Variants in DHODH observed in about 807,000 individuals in gnomAD.
The protein encoded by DHODH is dihydroorotate dehydrogenase (quinone).
A neutral mutation model predicts 39.7 loss-of-function variants in DHODH; 30 were observed. The observed-to-expected ratio is 0.76, with a 90% CI of 0.57 to 1.02. The LOEUF (loss-of-function observed/expected upper bound fraction) is 1.02, where lower values mean the gene tolerates loss of function less well. Among genes scored for constraint, DHODH ranks in the 50% least tolerant of loss-of-function variants. DHODH has a pLI of 0.00. For synonymous variants in DHODH, 222 were observed against 213.8 expected (o/e 1.04, Z -0.34); for missense variants, 531 against 520.8 (o/e 1.02, Z -0.19).
In DHODH at chr16:72,017,059, A is replaced by C; in HGVS notation, c.470A>C (p.Glu157Ala). 6.2e-7 allele frequency: 1 copy of C among 1,614,068 alleles called. No homozygotes were observed. Among genetic ancestry groups the C allele is most frequent in the African/African-American group, 1.3e-5 (1 of 75,020 alleles). ...GFNSHGLSVV[E>A]HRLRARQQKQ... Reference sequence around the variant, plus strand: ...AACAGTCACGGGCTTTCAGTGGTGGAACACAGGTTACGGGCCAGACAGCAG... The same window carrying C: ...AACAGTCACGGGCTTTCAGTGGTGGCACACAGGTTACGGGCCAGACAGCAG... The change falls in exon 4 of 9, where the codon GAA becomes GCA. Residue 157 changes from glutamate (E) to alanine (A), a missense_variant. By Grantham distance (107) the Glu-to-Ala change is moderately radical. Transcript: ENST00000219240.
At chr16:72,023,372 G>T in intron 7 of DHODH, 54 bp downstream of exon 7, 1 of 1,614,010 alleles carries the variant, frequency 6.2e-7, no homozygotes, top group Non-Finnish European at 8.5e-7. Context: ...GGGCTCCTGG[G>T]TCGTGATGGG....
rs189050421 is a variant in DHODH, at chr16:72,017,897, G to A, written c.517+791G>A. 6.2e-4 allele frequency among the ~76,000 whole-genome samples: 93 copies of A among 149,400 alleles called. No individual in the cohort carries two copies. In the East Asian group the frequency reaches 0.015, roughly 25 times the overall value. The stretch of plus-strand genomic sequence containing the variant: ...CACTATTCTCCTGCCTCAGCCTCCC[G>A]AGTAGCTGGGACTTCAGGCACCCGC... On this transcript the variant is annotated intron_variant, in intron 4 of 8. Coordinates refer to ENST00000219240, the MANE Select transcript of DHODH (RefSeq NM_001361.5).
chr16:72,009,841 C>T (rs1463058391), intron 1 of DHODH, among the ~76,000 whole-genome samples: 1 of 152,158 alleles, frequency 6.6e-6, no homozygotes, highest in Non-Finnish European at 1.5e-5. Context: ...GTCTCGAACT[C>T]CTCACCTCGT....
intron 4 of DHODH, among the ~76,000 whole-genome samples, chr16:72,019,043 C>T (rs1597396076): frequency 6.6e-6 from 1 of 152,224 alleles, no homozygotes; most frequent in Admixed American, 6.5e-5. Context: ...GTAGCCTCCA[C>T]CTCCCAGGTT....
In DHODH at chr16:72,021,395, C is replaced by T. The variant is rs559262199; in HGVS notation, c.705+84C>T. On this transcript the variant is annotated intron_variant, in intron 5 of 8. Transcript: ENST00000219240. ...TTCATTCTCCAGGGCGAACCTTCAGCATCACCCTCAGAAGCTGTCCTTAGC... is the reference window on the plus strand; with the variant it reads ...TTCATTCTCCAGGGCGAACCTTCAGTATCACCCTCAGAAGCTGTCCTTAGC... The T allele has an allele frequency of 9.8e-6, 14 of 1,429,402 alleles. No individual in the cohort carries two copies. In the African/African-American group the frequency reaches 9.8e-5, roughly 10 times the overall value. The allele number at this position is 1,429,402 out of a possible 1,614,324, so 88.5% of individuals were successfully genotyped here.
Position 72,022,437 on chromosome 16 carries a change from A to T in DHODH, c.781A>T (p.Ser261Cys). The T allele has an allele frequency of 6.4e-7, 1 of 1,556,334 alleles. No individual in the cohort carries two copies. Among genetic ancestry groups the T allele is most frequent in the African/African-American group, 1.4e-5 (1 of 73,484 alleles). Reference sequence around the variant, plus strand: ...GGTGAAGATCGCTCCTGACCTCACCAGCCAGGATAAGGAGGACATTGCCAG... The same window carrying T: ...GGTGAAGATCGCTCCTGACCTCACCTGCCAGGATAAGGAGGACATTGCCAG... The part of the protein sequence containing the change: ...VLVKIAPDLT[S>C]QDKEDIASVV... The change falls in exon 6 of 9, where the codon AGC (serine) becomes TGC (cysteine). Residue 261 changes from serine to cysteine, a missense_variant. Coordinates refer to ENST00000219240, the MANE Select transcript of DHODH (RefSeq NM_001361.5).
intron 1 of DHODH, chr16:72,009,251 C>A: frequency 1.9e-6 from 1 of 513,440 alleles, no homozygotes; most frequent in Non-Finnish European, 2.5e-6. Context: ...CGCCTGTAAT[C>A]CCAGCACTTT....
Position 72,027,602 on chromosome 16 carries a change from G to C in DHODH, c.*3403G>C, listed in dbSNP as rs764309087. ...TTTACATCACTCACTCTTGTGTGGAGTGCATAATTGTCTTTGCTTGCCAAT... is the reference window on the plus strand; with the variant it reads ...TTTACATCACTCACTCTTGTGTGGACTGCATAATTGTCTTTGCTTGCCAAT... On this transcript the variant is annotated 3_prime_UTR_variant, in exon 9 of 9. Coordinates refer to ENST00000219240, the MANE Select transcript of DHODH (RefSeq NM_001361.5). 2.0e-5 allele frequency: 3 copies of C among 152,180 alleles called. No individual in the cohort carries two copies. Among genetic ancestry groups the C allele is most frequent in the Non-Finnish European group, 4.4e-5 (3 of 68,028 alleles). 9.4% of individuals were successfully genotyped at this position (152,180 alleles called of 1,614,324 possible). A position where few individuals can be genotyped will look rare whatever the true frequency, so the allele number is the denominator to read the frequency against.
At position 72,022,375 on chromosome 16, in the gene DHODH, G is replaced by C; in HGVS notation, c.719G>C (p.Arg240Thr). 6.4e-7 allele frequency: 1 copy of C among 1,553,972 alleles called. No homozygotes were observed. The highest frequency in any genetic ancestry group is 1.2e-5 in the South Asian group (1 of 84,178). ...GTGTCGCCCTAGGTGCTGCAGGAGA[G>C]GGATGGCTTGCGGAGAGTGCACAGG... The part of the protein sequence containing the change: ...RRLLTKVLQE[R>T]DGLRRVHRPA... Residue 240 changes from arginine (R) to threonine (T), a missense_variant, in exon 6 of 9, where the codon AGG becomes ACG. Arg to Thr is a moderately conservative substitution (Grantham distance 71, BLOSUM62 -1). Coordinates refer to ENST00000219240, the MANE Select transcript of DHODH (RefSeq NM_001361.5).
intron 6 of DHODH, 49 bp downstream of exon 6, chr16:72,022,524 G>A (rs2041232542): frequency 7.0e-7 from 1 of 1,437,374 alleles, no homozygotes; most frequent in South Asian, 1.2e-5. Context: ...GGTCTGCAGA[G>A]GCCGTTTGGC....
rs750723546 is a variant in DHODH at position 72,008,813 on chromosome 16, T to A, written c.21+28T>A. The A allele has an allele frequency of 1.9e-6, 3 of 1,552,332 alleles. No homozygotes were observed. The African/African-American group carries it at 4.1e-5, about 21-fold the overall frequency. ...GAGTCCCGCGAGTGAGCAGTGTGGA[T>A]GGGGGACCAGGGACCGGGGAGGGCG... On this transcript the variant is annotated intron_variant, in intron 1 of 8. Coordinates refer to ENST00000219240, the MANE Select transcript of DHODH (RefSeq NM_001361.5).
chr16:72,023,532 G>C lies in DHODH; in HGVS notation c.1032G>C (p.Lys344Asn), dbSNP rs1271310431. 6.2e-7 allele frequency: 1 copy of C among 1,614,152 alleles called. No individual in the cohort carries two copies. Among genetic ancestry groups the C allele is most frequent in the African/African-American group, 1.3e-5 (1 of 75,050 alleles). The stretch of plus-strand genomic sequence containing the variant: ...GCAGCGGGCAGGACGCGCTGGAGAA[G>C]ATCCGGGCAGGGGCCTCCCTGGTGC... Reference protein sequence around the residue: ...GVSSGQDALEKIRAGASLVQL... With the variant: ...GVSSGQDALENIRAGASLVQL... The change falls in exon 8 of 9, where the codon AAG becomes AAC. Residue 344 changes from lysine to asparagine, a missense_variant. Lys to Asn is a moderately conservative substitution (Grantham distance 94). Coordinates refer to ENST00000219240, the MANE Select transcript of DHODH (RefSeq NM_001361.5).
chr16:72,011,911 G>A (rs2041085456), intron 1 of DHODH, 139 bp from the exon 2 acceptor site: 2 of 667,816 alleles, frequency 3.0e-6, no homozygotes, highest in African/African-American at 3.6e-5. Flanking sequence ...TGACTGTAGA[G>A]ACCAGTGTCA....
intron 3 of DHODH, 76 bp downstream of exon 3, chr16:72,014,748 C>G: frequency 6.9e-7 from 1 of 1,439,582 alleles, no homozygotes; most frequent in Non-Finnish European, 9.7e-7. Context: ...AGATCTGCCT[C>G]TGTTTTTTTT....
intron 3 of DHODH, chr16:72,015,586 G>A: frequency 1.6e-6 from 1 of 641,832 alleles, no homozygotes; most frequent in Non-Finnish European, 1.9e-6. Flanking sequence ...GGACCTGTAG[G>A]ACATTTACTT....
At chr16:72,010,040 G>A (rs967535767) in intron 1 of DHODH, among the ~76,000 whole-genome samples, 5 of 152,206 alleles carry the variant, frequency 3.3e-5, no homozygotes, top group Non-Finnish European at 5.9e-5. Context: ...GGGCTACCGC[G>A]CCCAGCCAAT....
intron 8 of DHODH, 54 bp downstream of exon 8, chr16:72,023,687 A>G (rs1192857882): frequency 1.2e-6 from 2 of 1,606,302 alleles, no homozygotes; most frequent in Non-Finnish European, 1.7e-6. Flanking sequence ...GTTCATTTAG[A>G]TCACTCAAGT....
intron 4 of DHODH, among the ~76,000 whole-genome samples, chr16:72,019,590 A>G (rs1387184854): frequency 6.6e-6 from 1 of 152,206 alleles, no homozygotes; most frequent in African/African-American, 2.4e-5. Flanking sequence ...TGGAGGTCCA[A>G]AATGCAAGTC....
rs2041281175 is a variant in DHODH, at chr16:72,026,964, T to C, written c.*2765T>C. The C allele has an allele frequency of 1.3e-4, 2 of 15,848 alleles. No homozygotes were observed. Among genetic ancestry groups the C allele is most frequent in the African/African-American group, 5.1e-4 (2 of 3,956 alleles). The allele number at this position is 15,848 out of a possible 1,614,324, so 1.0% of individuals were successfully genotyped here. A position where few individuals can be genotyped will look rare whatever the true frequency, so the allele number is the denominator to read the frequency against. The stretch of plus-strand genomic sequence containing the variant: ...CACTACCACACCCAGCTAATTTGTG[T>C]GTGTGTGTGTGTGTGTGTGTGTGTG... On this transcript the variant is annotated 3_prime_UTR_variant, in exon 9 of 9. Coordinates refer to ENST00000219240, the MANE Select transcript of DHODH (RefSeq NM_001361.5).
Sources: allele counts gnomAD v4.1 joint callset (sites outside exome capture counted in the v4.1 genomes callset), GRCh38; gene constraint gnomAD v4.1.1; transcripts MANE v1.5; gene names NCBI Gene and HGNC (gene_info 2026-07-23, HGNC 2026-07-21).